The following HEMK1 variants were observed in gnomAD, a reference collection of about 807,000 sequenced individuals.
HEMK1 encodes the protein HemK methyltransferase 1, mitochondrial release factors N(5)-glutamine.
HEMK1 carries 36 observed loss-of-function variants against 47.9 expected under a neutral mutation model. The ratio of observed to expected loss-of-function variants is 0.75; its 90% CI spans 0.58 to 0.99. The LOEUF is 0.99. HEMK1 is among the 50% of genes least tolerant of loss of function. HEMK1 has a pLI of 0.00. For missense variants in HEMK1, 383 were observed against 434.5 expected, an observed-to-expected ratio of 0.88 and a Z score of 1.05; for synonymous variants, 153 against 165.4, an observed-to-expected ratio of 0.93 and a Z score of 0.57.
At chr3:50,578,976 G>C in intron 8 of HEMK1, 50 bp downstream of exon 8, 1 of 1,381,796 alleles carries the variant, frequency 7.2e-7, no homozygotes, top group African/African-American at 1.4e-5. Context: ...GGCCTGATGG[G>C]ATTAGTCTGC....
In HEMK1 at chr3:50,580,609, CTGTGTTGGTGAAAT is replaced by C; in HGVS notation, c.*195_*208del. The C allele has an allele frequency of 1.6e-6, 1 of 622,302 alleles. No homozygotes were observed. The highest frequency in any genetic ancestry group is 2.8e-6 in the Non-Finnish European group (1 of 354,878). 38.5% of individuals were successfully genotyped at this position (622,302 alleles called of 1,614,324 possible). On this transcript the variant is annotated 3_prime_UTR_variant, in exon 11 of 11. Transcript: ENST00000232854. ...ATCAGAGTGGCTGAGGGCAGTTGCTCTGTGTTGGTGAAATTGCTGTGGGGGTATCGGGGGATATG... is the reference window on the plus strand; with the variant it reads ...ATCAGAGTGGCTGAGGGCAGTTGCTCTGCTGTGGGGGTATCGGGGGATATG...
Position 50,586,707 on chromosome 3 carries a change from TAGC to T in HEMK1, c.*6293_*6295del, listed in dbSNP as rs949508153. On this transcript the variant is annotated 3_prime_UTR_variant, in exon 11 of 11. Coordinates refer to ENST00000232854, the MANE Select transcript of HEMK1 (RefSeq NM_016173.5). ...TGGTACAGATGAGGAAACTGAGGCTTAGCAGGACAGGAGCAGGGCTGGGGCACG... is the reference window on the plus strand; with the variant it reads ...TGGTACAGATGAGGAAACTGAGGCTTAGGACAGGAGCAGGGCTGGGGCACG... 9.2e-5 allele frequency: 14 copies of T among 152,108 alleles called. No homozygotes were observed. Among genetic ancestry groups the T allele is most frequent in the African/African-American group, 3.1e-4 (13 of 41,402 alleles). The allele number at this position is 152,108 out of a possible 1,614,324, so 9.4% of individuals were successfully genotyped here. A position where few individuals can be genotyped will look rare whatever the true frequency, so the allele number is the denominator to read the frequency against.
At chr3:50,577,379 A>G in intron 5 of HEMK1, 130 bp from the exon 6 acceptor site, 1 of 1,187,540 alleles carries the variant, frequency 8.4e-7, no homozygotes, top group South Asian at 1.2e-5. Context: ...GACTTTGGCC[A>G]AGAAGAAAAG....
At chr3:50,578,983 C>G in intron 8 of HEMK1, 57 bp downstream of exon 8, 1 of 1,327,798 alleles carries the variant, frequency 7.5e-7, no homozygotes, top group Non-Finnish European at 1.1e-6. Flanking sequence ...TGGGATTAGT[C>G]TGCCCTCGAG....
Position 50,577,876 on chromosome 3 carries a change from G to C in HEMK1, c.664+1G>C. On this transcript the variant is annotated splice_donor_variant, in intron 7 of 10. Coordinates refer to ENST00000232854, the MANE Select transcript of HEMK1 (RefSeq NM_016173.5). LOFTEE classifies it high-confidence loss of function. ...ATCATCCACCTCGACATGACCTCAG[G>C]TACCCTCCCCTGCATGTTCCTTGAG... The C allele has an allele frequency of 6.2e-7, 1 of 1,613,986 alleles. No individual in the cohort carries two copies. Among genetic ancestry groups the C allele is most frequent in the South Asian group, 1.1e-5 (1 of 91,072 alleles).
At chr3:50,576,984 G>A (rs1402979677) in intron 4 of HEMK1, 68 bp from the exon 5 acceptor site, 5 of 1,585,868 alleles carry the variant, frequency 3.2e-6, no homozygotes, top group Non-Finnish European at 4.3e-6. Flanking sequence ...AACTGCTTAG[G>A]CCTCTGTACC....
Position 50,583,055 on chromosome 3 carries a change from C to T in HEMK1, c.*2638C>T, listed in dbSNP as rs999477867. The T allele has an allele frequency of 1.3e-5, 2 of 152,456 alleles. No individual in the cohort carries two copies. Among genetic ancestry groups the T allele is most frequent in the Non-Finnish European group, 2.9e-5 (2 of 68,214 alleles). The allele number at this position is 152,456 out of a possible 1,614,324, so 9.4% of individuals were successfully genotyped here. On this transcript the variant is annotated 3_prime_UTR_variant, in exon 11 of 11. Coordinates refer to ENST00000232854, the MANE Select transcript of HEMK1 (RefSeq NM_016173.5). ...GATGGAGTCCAGGCTGTGCAAGCCC[C>T]TGAGGTCTTGAGAGATGTGCCCACT...
rs532082687 is a variant in HEMK1 at position 50,595,462 on chromosome 3, G to A, written c.*15045G>A. 7 of 152,310 alleles carry A rather than the reference G, an allele frequency of 4.6e-5. No homozygotes were observed. In the East Asian group the frequency reaches 7.7e-4, roughly 17 times the overall value. The allele number at this position is 152,310 out of a possible 1,614,324, so 9.4% of individuals were successfully genotyped here. On this transcript the variant is annotated 3_prime_UTR_variant, in exon 11 of 11. Coordinates refer to ENST00000232854, the MANE Select transcript of HEMK1 (RefSeq NM_016173.5). Reference sequence around the variant, plus strand: ...TGCATGCTGAATTTAGGGGACCCACGTCTTTTATAATAAGCTGCAAGCAAA... The same window carrying A: ...TGCATGCTGAATTTAGGGGACCCACATCTTTTATAATAAGCTGCAAGCAAA...
At chr3:50,574,671 C>A (rs1325428133) in intron 4 of HEMK1, among the ~76,000 whole-genome samples, 2 of 152,204 alleles carry the variant, frequency 1.3e-5, no homozygotes, top group African/African-American at 4.8e-5. Flanking sequence ...GGCTCTCAGC[C>A]ACAGCCCTAT....
chr3:50,577,000 C>G, intron 4 of HEMK1, 52 bp from the exon 5 acceptor site: 1 of 1,608,628 alleles, frequency 6.2e-7, no homozygotes, highest in Non-Finnish European at 8.5e-7. Context: ...GTACCAAGAC[C>G]CCCAGGAGCC....
At position 50,586,950 on chromosome 3, in the gene HEMK1, A is replaced by G. The variant is rs2031417854; in HGVS notation, c.*6533A>G. On this transcript the variant is annotated 3_prime_UTR_variant, in exon 11 of 11. Transcript: ENST00000232854. Reference sequence around the variant, plus strand: ...AACAACCCTGCCTGGCTAATTTTTAATTTTTTTTTTTTTTTAGAAACGGGG... The same window carrying G: ...AACAACCCTGCCTGGCTAATTTTTAGTTTTTTTTTTTTTTTAGAAACGGGG... 6.9e-6 allele frequency: 1 copy of G among 145,256 alleles called. No homozygotes were observed. The allele number at this position is 145,256 out of a possible 1,614,324, so 9.0% of individuals were successfully genotyped here. A position where few individuals can be genotyped will look rare whatever the true frequency, so the allele number is the denominator to read the frequency against.
In HEMK1 at chr3:50,580,205, C is replaced by A. The variant is rs778795051; in HGVS notation, c.956C>A (p.Ala319Asp). Reference protein sequence around the residue: ...SRPDLYLNLVAVRRDFCGRPR... With the variant: ...SRPDLYLNLVDVRRDFCGRPR... Reference sequence around the variant, plus strand: ...CCTGACCTGTACCTTAATCTTGTGGCTGTGCGCAGGGACTTCTGTGGGAGG... The same window carrying A: ...CCTGACCTGTACCTTAATCTTGTGGATGTGCGCAGGGACTTCTGTGGGAGG... Residue 319 changes from alanine (A) to aspartate (D), a missense_variant, in exon 10 of 11, where the codon GCT becomes GAT. Coordinates refer to ENST00000232854, the MANE Select transcript of HEMK1 (RefSeq NM_016173.5). 6.2e-7 allele frequency: 1 copy of A among 1,614,130 alleles called. No individual in the cohort carries two copies. Among genetic ancestry groups the A allele is most frequent in the South Asian group, 1.1e-5 (1 of 91,088 alleles).
In HEMK1 at chr3:50,579,909, C is replaced by A; in HGVS notation, c.836C>A (p.Ala279Asp). 1 of 1,613,984 alleles carries A rather than the reference C, an allele frequency of 6.2e-7. No homozygotes were observed. Among genetic ancestry groups the A allele is most frequent in the Non-Finnish European group, 8.5e-7 (1 of 1,179,920 alleles). ...EGMDIITHIL[A>D]LAPRLLKDSG... ...ATGGACATCATTACCCACATTCTGGCCTTGGCACCCCGGCTCCTGAAAGAC... is the reference window on the plus strand; with the variant it reads ...ATGGACATCATTACCCACATTCTGGACTTGGCACCCCGGCTCCTGAAAGAC... Residue 279 changes from alanine to aspartate, a missense_variant, in exon 9 of 11, where the codon GCC becomes GAC. By Grantham distance (126) the Ala-to-Asp change is moderately radical. Transcript: ENST00000232854.
In HEMK1 at chr3:50,580,536, C is replaced by A; in HGVS notation, c.*119C>A. ...CCCAGGGTTCTGTGATTTCCCCATGCTCTGCATTTCTAGGATATTTCTAGG... is the reference window on the plus strand; with the variant it reads ...CCCAGGGTTCTGTGATTTCCCCATGATCTGCATTTCTAGGATATTTCTAGG... On this transcript the variant is annotated 3_prime_UTR_variant, in exon 11 of 11. Coordinates refer to ENST00000232854, the MANE Select transcript of HEMK1 (RefSeq NM_016173.5). 1 of 1,002,430 alleles carries A rather than the reference C, an allele frequency of 1.0e-6. No individual in the cohort carries two copies. The highest frequency in any genetic ancestry group is 1.5e-6 in the Non-Finnish European group (1 of 668,176). 62.1% of individuals were successfully genotyped at this position (1,002,430 alleles called of 1,614,324 possible).
At chr3:50,573,995 T>A (rs1325959701) in intron 4 of HEMK1, among the ~76,000 whole-genome samples, 1 of 152,174 alleles carries the variant, frequency 6.6e-6, no homozygotes, top group East Asian at 1.9e-4. Flanking sequence ...CAATGCCACC[T>A]CCCTGGGTCT....
intron 3 of HEMK1, 67 bp from the exon 4 acceptor site, chr3:50,572,048 C>T: frequency 6.2e-7 from 1 of 1,602,684 alleles, no homozygotes; most frequent in Non-Finnish European, 8.5e-7. Context: ...AGTGGTATCT[C>T]AACCCAGGCA....
chr3:50,584,519 G>A lies in HEMK1; in HGVS notation c.*4102G>A, dbSNP rs2031172702. On this transcript the variant is annotated 3_prime_UTR_variant, in exon 11 of 11. Coordinates refer to ENST00000232854, the MANE Select transcript of HEMK1 (RefSeq NM_016173.5). ...AATCACAAGGGCCTCTGTAAAGGAG[G>A]CAGGAGTGTCAGAGTGACGGAAGAA... 1 of 152,228 alleles carries A rather than the reference G, an allele frequency of 6.6e-6. No homozygotes were observed. The highest frequency in any genetic ancestry group is 2.1e-4 in the South Asian group (1 of 4,836). The allele number at this position is 152,228 out of a possible 1,614,324, so 9.4% of individuals were successfully genotyped here.
chr3:50,578,735 G>T, intron 7 of HEMK1, 86 bp from the exon 8 acceptor site: 1 of 878,284 alleles, frequency 1.1e-6, no homozygotes, highest in South Asian at 1.6e-5. Flanking sequence ...GTGGCATGGT[G>T]AGAGGGACAT....
chr3:50,578,518 T>C (rs1169281997), intron 7 of HEMK1, among the ~76,000 whole-genome samples: 1 of 152,230 alleles, frequency 6.6e-6, no homozygotes, highest in African/African-American at 2.4e-5. Flanking sequence ...GGCTCTTTTC[T>C]GCCTAGGCAA....
Sources: gnomAD v4.1 joint callset for allele counts (sites outside exome capture counted in the v4.1 genomes callset) on GRCh38, gnomAD v4.1.1 for gene constraint, MANE v1.5 for transcripts, NCBI Gene and HGNC (gene_info 2026-07-23, HGNC 2026-07-21) for gene names.